Variants in GPR89B observed in about 807,000 individuals in gnomAD.
GPR89B encodes golgi pH regulator B.
In GPR89B, 25 loss-of-function variants were observed where a neutral mutation model predicts 52.4. That is an observed-to-expected ratio of 0.48 (90% CI 0.35 to 0.67). The LOEUF is 0.67. Ranked by LOEUF, GPR89B falls within the 30% of genes least tolerant of loss-of-function variation. GPR89B has a pLI of 0.01. For missense variants in GPR89B, 146 were observed against 450.2 expected, an observed-to-expected ratio of 0.32 and a Z score of 6.11; for synonymous variants, 52 against 151.2, an observed-to-expected ratio of 0.34 and a Z score of 4.81.
chr1:148,000,002 G>A, the GPR89B span, among the ~76,000 whole-genome samples: 1 of 152,148 alleles, frequency 6.6e-6, no homozygotes, highest in African/African-American at 2.4e-5. Context: ...CCAAGTGTCA[G>A]TTAATTTTTA....
At chr1:147,959,207 T>A (rs2149065807) in intron 7 of GPR89B, among the ~76,000 whole-genome samples, 1 of 152,210 alleles carries the variant, frequency 6.6e-6, no homozygotes, top group East Asian at 1.9e-4. Context: ...TACGTCTTCC[T>A]GTTTGGAACA....
At chr1:148,023,034 G>A in the GPR89B span, among the ~76,000 whole-genome samples, 1 of 151,766 alleles carries the variant, frequency 6.6e-6, no homozygotes, top group African/African-American at 2.4e-5. Context: ...GGGTATATTG[G>A]GTCCAGGTAG....
At chr1:147,980,817 T>C (rs1658184994) in intron 10 of GPR89B, among the ~76,000 whole-genome samples, 1 of 35,734 alleles carries the variant, frequency 2.8e-5, no homozygotes, top group Non-Finnish European at 4.6e-5. Context: ...AGACTCCGTC[T>C]CAAAAAAAAA....
the GPR89B span, among the ~76,000 whole-genome samples, chr1:148,019,048 C>T: frequency 6.6e-6 from 1 of 151,732 alleles, no homozygotes; most frequent in East Asian, 1.9e-4. Flanking sequence ...CAGATCTCGG[C>T]TCACTGCAAC....
Position 147,968,859 on chromosome 1 carries a change from G to C in GPR89B, c.728-16G>C. 1 of 1,612,608 alleles carries C rather than the reference G, an allele frequency of 6.2e-7. No individual in the cohort carries two copies. Among genetic ancestry groups the C allele is most frequent in the Non-Finnish European group, 8.5e-7 (1 of 1,179,124 alleles). On this transcript the variant is annotated splice_polypyrimidine_tract_variant and intron_variant, in intron 8 of 13. Transcript: ENST00000314163. ...ATTCCTATGTGATTAAAACCTTGATGCCCATTCTGTGCCAGATCTTACTCT... is the reference window on the plus strand; with the variant it reads ...ATTCCTATGTGATTAAAACCTTGATCCCCATTCTGTGCCAGATCTTACTCT...
chr1:147,946,441 G>A (rs587660298), intron 5 of GPR89B, among the ~76,000 whole-genome samples: 6 of 152,280 alleles, frequency 3.9e-5, no homozygotes, highest in Admixed American at 3.9e-4. Context: ...AAATGCTAAT[G>A]TGATCAGCAT....
At chr1:147,928,849 CAGGCTA>C (rs1485067078) in intron 1 of GPR89B, 9 of 181,524 alleles carry the variant, frequency 5.0e-5, no homozygotes, top group African/African-American at 2.1e-4. Flanking sequence ...CGCCGACCTC[CAGGCTA>C]AGAGCCGGCG....
At chr1:147,987,397 GT>G (rs1364085209) in intron 11 of GPR89B, among the ~76,000 whole-genome samples, 1 of 149,526 alleles carries the variant, frequency 6.7e-6, no homozygotes, top group African/African-American at 2.5e-5. Flanking sequence ...GCATGCACCT[GT>G]AGTCCCAGCT....
At position 147,928,516 on chromosome 1, in the gene GPR89B, G is replaced by A; in HGVS notation, c.-21G>A. The A allele has an allele frequency of 4.3e-6, 7 of 1,613,888 alleles. No homozygotes were observed. The highest frequency in any genetic ancestry group is 1.7e-5 in the Admixed American group (1 of 60,026). On this transcript the variant is annotated 5_prime_UTR_variant, in exon 1 of 14. Coordinates refer to ENST00000314163, the MANE Select transcript of GPR89B (RefSeq NM_016334.5). Reference sequence around the variant, plus strand: ...CTCCGGGAGTGGGAAGTGGAGGCAGGAGCCTTCCTTACACTTCGCCATGAG... The same window carrying A: ...CTCCGGGAGTGGGAAGTGGAGGCAGAAGCCTTCCTTACACTTCGCCATGAG...
intron 10 of GPR89B, among the ~76,000 whole-genome samples, chr1:147,985,894 T>G (rs1658626420): frequency 6.6e-6 from 1 of 152,248 alleles, no homozygotes; most frequent in Admixed American, 6.5e-5. Context: ...ATTCTCTTAA[T>G]CTGACTTCAT....
At chr1:147,985,982 G>T (rs1287173925) in intron 10 of GPR89B, among the ~76,000 whole-genome samples, 1 of 152,186 alleles carries the variant, frequency 6.6e-6, no homozygotes, top group Non-Finnish European at 1.5e-5. Flanking sequence ...ACTCTTTACA[G>T]AAAAGAAAGA....
Position 147,973,789 on chromosome 1 carries a change from TTA to T in GPR89B, c.909+3833_909+3834del, listed in dbSNP as rs2149081570. The stretch of plus-strand genomic sequence containing the variant: ...TTGCCTAGATTTTCTTCTAGGTTTT[TTA>T]TAGTTTGGGGTTTTACATTTAAGTC... On this transcript the variant is annotated intron_variant, in intron 10 of 13. Transcript: ENST00000314163. Among the ~76,000 whole-genome samples the T allele has an allele frequency of 2.0e-5, 3 of 151,988 alleles. No homozygotes were observed. The East Asian group carries it at 5.8e-4, about 29-fold the overall frequency.
chr1:148,017,081 G>A, the GPR89B span, among the ~76,000 whole-genome samples: 260 of 151,316 alleles, frequency 1.7e-3, 7 homozygotes, highest in African/African-American at 5.7e-3. Context: ...TCACTCTGTC[G>A]CCCAGGCTGG....
At chr1:148,004,107 G>C in the GPR89B span, 2 of 453,558 alleles carry the variant, frequency 4.4e-6, no homozygotes, top group African/African-American at 4.1e-5. Context: ...TGAAAGGCCT[G>C]AGTTTAAGCT....
chr1:148,021,630 C>T, the GPR89B span, among the ~76,000 whole-genome samples: 2 of 151,680 alleles, frequency 1.3e-5, no homozygotes, highest in Admixed American at 1.3e-4. Context: ...CTCGGACCTT[C>T]CTGTCGAGGA....
intron 7 of GPR89B, among the ~76,000 whole-genome samples, chr1:147,958,179 A>G (rs1334749954): frequency 1.3e-5 from 2 of 152,122 alleles, no homozygotes; most frequent in Non-Finnish European, 2.9e-5. Flanking sequence ...TTGAAGGTAG[A>G]CACGTGTATA....
At chr1:147,987,310 A>G (rs1658737650) in intron 11 of GPR89B, among the ~76,000 whole-genome samples, 1 of 152,136 alleles carries the variant, frequency 6.6e-6, no homozygotes, top group Non-Finnish European at 1.5e-5. Flanking sequence ...ACTTGAGTCC[A>G]GGAGTTCAAG....
At chr1:147,982,625 A>G (rs2149089598) in intron 10 of GPR89B, among the ~76,000 whole-genome samples, 1 of 130,874 alleles carries the variant, frequency 7.6e-6, no homozygotes, top group East Asian at 2.1e-4. Context: ...TGACTTGGCA[A>G]TGTGGGCTTT....
the GPR89B span, among the ~76,000 whole-genome samples, chr1:148,002,990 A>G: frequency 6.6e-6 from 1 of 152,120 alleles, no homozygotes; most frequent in East Asian, 1.9e-4. Context: ...ACAGTGCTTG[A>G]TCTGCCCCTG....
Sources: gnomAD v4.1 joint callset for allele counts (sites outside exome capture counted in the v4.1 genomes callset) on GRCh38, gnomAD v4.1.1 for gene constraint, MANE v1.5 for transcripts, NCBI Gene and HGNC (gene_info 2026-07-23, HGNC 2026-07-21) for gene names.